MTX3: variants seen among roughly 807,000 people sequenced by gnomAD.
MTX3 encodes the protein metaxin 3, also known as metaxin-3.
A neutral mutation model predicts 42.5 loss-of-function variants in MTX3; 27 were observed. The ratio of observed to expected loss-of-function variants is 0.64; its 90% confidence interval spans 0.47 to 0.88. The LOEUF (loss-of-function observed/expected upper bound fraction) is 0.88. MTX3 is among the 40% of genes least tolerant of loss of function. The pLI is 0.00. For synonymous variants in MTX3, 144 were observed against 132.9 expected (o/e 1.08, Z -0.57); for missense variants, 378 against 367.0 (o/e 1.03, Z -0.25).
At chr5:79,985,922 TA>T (rs1831478505) in intron 7 of MTX3, among the ~76,000 whole-genome samples, 1 of 95,214 alleles carries the variant, frequency 1.1e-5, no homozygotes, top group African/African-American at 4.7e-5. Context: ...CCACAATAAT[TA>T]GTTTTTTTTT....
chr5:79,984,846 A>T (rs1303360486), intron 8 of MTX3, among the ~76,000 whole-genome samples: 2 of 152,226 alleles, frequency 1.3e-5, no homozygotes, highest in African/African-American at 4.8e-5. Context: ...GAAGGAGAAA[A>T]AAATAAAACT....
rs777872498 is a variant in MTX3, at chr5:79,983,801, A to G, written c.829-7T>C. ...GGCGAAGATTGTCATCCATCTGTAG[A>G]AAGTACAAAAGATACATCTGACTAA... On this transcript the variant is annotated splice_region_variant and splice_polypyrimidine_tract_variant and intron_variant, in intron 8 of 8. Coordinates refer to ENST00000512528, the MANE Select transcript of MTX3 (RefSeq NM_001363818.2). 2.5e-6 allele frequency: 4 copies of G among 1,592,802 alleles called. No homozygotes were observed. The highest frequency in any genetic ancestry group is 2.6e-6 in the Non-Finnish European group (3 of 1,161,462).
intron 8 of MTX3, among the ~76,000 whole-genome samples, chr5:79,984,672 C>A (rs1210818110): frequency 6.7e-6 from 1 of 150,312 alleles, no homozygotes; most frequent in Non-Finnish European, 1.5e-5. Flanking sequence ...AAATATGTAA[C>A]CTCTTTGTAT....
chr5:79,984,352 A>T (rs1286777466), intron 8 of MTX3, among the ~76,000 whole-genome samples: 2 of 152,204 alleles, frequency 1.3e-5, no homozygotes, highest in Admixed American at 1.3e-4. Flanking sequence ...TCTTTACCTC[A>T]ATGAAAATGA....
At position 79,988,331 on chromosome 5, in the gene MTX3, T is replaced by G. The variant is rs1580888437; in HGVS notation, c.505-16A>C. The stretch of plus-strand genomic sequence containing the variant: ...CTCTGTATATCTAATAAGGATGAAA[T>G]TATATCTCAAAAGTAGAAAAGATAC... On this transcript the variant is annotated splice_polypyrimidine_tract_variant and intron_variant, in intron 5 of 8. Transcript: ENST00000512528. 3 of 1,526,592 alleles carry G rather than the reference T, an allele frequency of 2.0e-6. No homozygotes were observed. In the East Asian group the frequency reaches 7.1e-5, roughly 36 times the overall value. 94.6% of individuals were successfully genotyped at this position (1,526,592 alleles called of 1,614,324 possible).
chr5:79,982,215 A>G lies in MTX3; in HGVS notation c.*1469T>C. On this transcript the variant is annotated 3_prime_UTR_variant, in exon 9 of 9. Coordinates refer to ENST00000512528, the MANE Select transcript of MTX3 (RefSeq NM_001363818.2). ...TCCAAACAGATGACCAAGATTTTGA[A>G]GACTACCTTATTTCTCACTTAGTTA... 1 of 294,538 alleles carries G rather than the reference A, an allele frequency of 3.4e-6. No homozygotes were observed. The highest frequency in any genetic ancestry group is 3.2e-5 in the South Asian group (1 of 31,048). 18.2% of individuals were successfully genotyped at this position (294,538 alleles called of 1,614,324 possible).
rs1831337181 is a variant in MTX3, at chr5:79,980,049, T to C, written c.*3635A>G. The C allele has an allele frequency of 6.6e-6, 1 of 152,210 alleles. No homozygotes were observed. The highest frequency in any genetic ancestry group is 2.4e-5 in the African/African-American group (1 of 41,448). The allele number at this position is 152,210 out of a possible 1,614,324, so 9.4% of individuals were successfully genotyped here. On this transcript the variant is annotated 3_prime_UTR_variant, in exon 9 of 9. Transcript: ENST00000512528. ...AGAGAGATCCCAGGTACCCACTGCT[T>C]AGCTTCCTTTCTTTACATGTAAGCA...
In MTX3 at chr5:79,980,291, T is replaced by C. The variant is rs936173793; in HGVS notation, c.*3393A>G. 7 of 152,214 alleles carry C rather than the reference T, an allele frequency of 4.6e-5. No individual in the cohort carries two copies. Among genetic ancestry groups the C allele is most frequent in the African/African-American group, 1.7e-4 (7 of 41,454 alleles). The allele number at this position is 152,214 out of a possible 1,614,324, so 9.4% of individuals were successfully genotyped here. A position where few individuals can be genotyped will look rare whatever the true frequency, so the allele number is the denominator to read the frequency against. ...GTTTCTGCCTCTTTCAATGGTGTTTTTCCATTTTTACAGACTTCTGAAAAT... is the reference window on the plus strand; with the variant it reads ...GTTTCTGCCTCTTTCAATGGTGTTTCTCCATTTTTACAGACTTCTGAAAAT... On this transcript the variant is annotated 3_prime_UTR_variant, in exon 9 of 9. Coordinates refer to ENST00000512528, the MANE Select transcript of MTX3 (RefSeq NM_001363818.2).
rs1048360349 is a variant in MTX3, at chr5:79,977,070, T to C, written c.*6614A>G. ...TTCTTGTCTTCTTTACTGTCAATCT[T>C]TCAGAACAGTAACATGACATTACAA... On this transcript the variant is annotated 3_prime_UTR_variant, in exon 9 of 9. Transcript: ENST00000512528. 3.3e-5 allele frequency: 5 copies of C among 152,198 alleles called. No individual in the cohort carries two copies. The highest frequency in any genetic ancestry group is 3.3e-4 in the Admixed American group (5 of 15,284). The allele number at this position is 152,198 out of a possible 1,614,324, so 9.4% of individuals were successfully genotyped here.
chr5:79,990,289 A>G (rs1831608470), intron 2 of MTX3, 53 bp from the exon 3 acceptor site: 1 of 1,208,560 alleles, frequency 8.3e-7, no homozygotes, highest in Non-Finnish European at 1.2e-6. Flanking sequence ...TTCCTCTGAG[A>G]GATTCCAATA....
chr5:79,989,199 T>C lies in MTX3; in HGVS notation c.274A>G (p.Thr92Ala). 1 of 1,609,300 alleles carries C rather than the reference T, an allele frequency of 6.2e-7. No individual in the cohort carries two copies. The highest frequency in any genetic ancestry group is 8.5e-7 in the Non-Finnish European group (1 of 1,177,684). ...YELSAKQGAD[T>A]LAYIALLEEK... Reference sequence around the variant, plus strand: ...TCGAGGAGAGCAATATAAGCCAATGTATCTGCCCCTTGTTTTGCTGAGAGT... The same window carrying C: ...TCGAGGAGAGCAATATAAGCCAATGCATCTGCCCCTTGTTTTGCTGAGAGT... The change falls in exon 4 of 9, where the codon ACA becomes GCA. Residue 92 changes from threonine (T) to alanine (A), a missense_variant. Physicochemically the swap from Thr to Ala is moderately conservative, Grantham distance 58. Transcript: ENST00000512528.
At chr5:79,990,039 CTT>C (rs934497132) in intron 3 of MTX3, 119 bp downstream of exon 3, 37 of 512,586 alleles carry the variant, frequency 7.2e-5, no homozygotes, top group African/African-American at 5.9e-4. Flanking sequence ...ATTTTTACAT[CTT>C]GTCCCAGGTA....
At position 79,982,347 on chromosome 5, in the gene MTX3, A is replaced by ACT. The variant is rs1205781449; in HGVS notation, c.*1335_*1336dup. The ACT allele has an allele frequency of 2.2e-6, 1 of 455,942 alleles. No individual in the cohort carries two copies. Among genetic ancestry groups the ACT allele is most frequent in the East Asian group, 6.9e-5 (1 of 14,390 alleles). 28.2% of individuals were successfully genotyped at this position (455,942 alleles called of 1,614,324 possible). On this transcript the variant is annotated 3_prime_UTR_variant, in exon 9 of 9. Coordinates refer to ENST00000512528, the MANE Select transcript of MTX3 (RefSeq NM_001363818.2). Reference sequence around the variant, plus strand: ...TGTGGGTCAAACACAGCTGAGCTCCACTCAGCTCAAATTAGATGAGTCTTT... The same window carrying ACT: ...TGTGGGTCAAACACAGCTGAGCTCCACTCTCAGCTCAAATTAGATGAGTCTTT...
chr5:79,990,625 A>T lies in MTX3; in HGVS notation c.120T>A (p.Asn40Lys), dbSNP rs757082126. The change falls in exon 2 of 9, where the codon AAT becomes AAA. Residue 40 changes from asparagine (N) to lysine (K), a missense_variant. By Grantham distance (94) the Asn-to-Lys change is moderately conservative. Transcript: ENST00000512528. ...AKFSGAPLKVNVIDNTWRGSR... is the reference protein window; with the variant it reads ...AKFSGAPLKVKVIDNTWRGSR... ...AACCTCTCCAGGTGTTATCTATCAC[A>T]TTGACTTTCAAGGGTGCACCAGAAA... The T allele has an allele frequency of 6.2e-7, 1 of 1,612,984 alleles. No homozygotes were observed. Among genetic ancestry groups the T allele is most frequent in the African/African-American group, 1.3e-5 (1 of 74,902 alleles).
chr5:79,988,124 GTTTTT>G (rs200950881), intron 6 of MTX3, 110 bp downstream of exon 6: 10 of 692,238 alleles, frequency 1.4e-5, no homozygotes, highest in Non-Finnish European at 2.5e-5. Flanking sequence ...CCTAAATCTT[GTTTTT>G]TTTAAGTAAA....
chr5:79,990,290 G>C, intron 2 of MTX3, 54 bp from the exon 3 acceptor site: 1 of 1,209,620 alleles, frequency 8.3e-7, no homozygotes, highest in East Asian at 2.5e-5. Flanking sequence ...TCCTCTGAGA[G>C]ATTCCAATAT....
Position 79,979,690 on chromosome 5 carries a change from A to T in MTX3, c.*3994T>A, listed in dbSNP as rs578228726. 1 of 152,140 alleles carries T rather than the reference A, an allele frequency of 6.6e-6. No homozygotes were observed. Among genetic ancestry groups the T allele is most frequent in the Non-Finnish European group, 1.5e-5 (1 of 68,028 alleles). 9.4% of individuals were successfully genotyped at this position (152,140 alleles called of 1,614,324 possible). On this transcript the variant is annotated 3_prime_UTR_variant, in exon 9 of 9. Coordinates refer to ENST00000512528, the MANE Select transcript of MTX3 (RefSeq NM_001363818.2). ...TAAACCCCACTACCATAGAAAGAAA[A>T]AAATATAATTAGATATTTTAAATCA... is the stretch of plus-strand genomic sequence containing the variant.
At chr5:79,991,113 G>A in intron 1 of MTX3, 45 bp downstream of exon 1, 3 of 1,528,850 alleles carry the variant, frequency 2.0e-6, no homozygotes, top group Non-Finnish European at 2.7e-6. Flanking sequence ...GGCGCCTCCA[G>A]CCCCGCCCCT....
intron 2 of MTX3, 149 bp from the exon 3 acceptor site, chr5:79,990,385 T>C: frequency 2.8e-6 from 2 of 713,240 alleles, no homozygotes; most frequent in Admixed American, 3.3e-5. Context: ...CAAAGAGCGG[T>C]TCTAAAGAAC....
Sources: gnomAD v4.1 joint callset for allele counts (sites outside exome capture counted in the v4.1 genomes callset) on GRCh38, gnomAD v4.1.1 for gene constraint, MANE v1.5 for transcripts, NCBI Gene and HGNC (gene_info 2026-07-23, HGNC 2026-07-21) for gene names.